The following PIWIL2 variants were observed in gnomAD, a reference collection of about 807,000 sequenced individuals.
The protein encoded by PIWIL2 is piwi-like protein 2.
PIWIL2 carries 81 observed loss-of-function variants against 116.5 expected under a neutral mutation model. The observed-to-expected ratio is 0.70, with a 90% CI of 0.58 to 0.84. The LOEUF (loss-of-function observed/expected upper bound fraction) is 0.84, where lower values mean the gene tolerates loss of function less well. Ranked by LOEUF, PIWIL2 falls within the 40% of genes least tolerant of loss-of-function variation. The probability of loss-of-function intolerance (pLI) is 0.00; values close to 1 mark genes in which losing one functional copy is unlikely to be tolerated. For synonymous variants in PIWIL2, 489 were observed against 429.5 expected (o/e 1.14, Z -1.71); for missense variants, 1,272 against 1,212.3 (o/e 1.05, Z -0.73).
rs112766822 is a variant in PIWIL2, at chr8:22,284,230, A to G, written c.701A>G (p.Gln234Arg). 3 of 1,606,162 alleles carry G rather than the reference A, an allele frequency of 1.9e-6. No individual in the cohort carries two copies. Among genetic ancestry groups the G allele is most frequent in the Admixed American group, 3.4e-5 (2 of 58,776 alleles). The part of the protein sequence containing the change: ...QSLGLNLVKI[Q>R]CHNEAVYQYH... ...TTGGGACTGAACCTCGTCAAAATAC[A>G]GTGTCATAATGAAGCAGTTTATCAA... is the stretch of plus-strand genomic sequence containing the variant. Residue 234 changes from glutamine (Q) to arginine (R), a missense_variant, in exon 6 of 23, where the codon CAG becomes CGG. Transcript: ENST00000356766.
chr8:22,351,436 CATACATATATATAT>C (rs1233465514), intron 20 of PIWIL2, among the ~76,000 whole-genome samples: 2,205 of 46,246 alleles, frequency 0.048, 156 homozygotes, highest in South Asian at 0.14. Flanking sequence ...ACAGTGCATA[CATACATATATATAT>C]ATATATATAT....
intron 22 of PIWIL2, 98 bp downstream of exon 22, chr8:22,354,476 T>G (rs1832446431): frequency 3.0e-6 from 2 of 658,676 alleles, no homozygotes; most frequent in Admixed American, 4.8e-5. Context: ...ATTTACCTCT[T>G]GACTTTTCTT....
At chr8:22,321,908 G>T in intron 20 of PIWIL2, 1 of 985,000 alleles carries the variant, frequency 1.0e-6, no homozygotes, top group Non-Finnish European at 1.2e-6. Flanking sequence ...CACATTTTCA[G>T]CCCCATTTTG....
chr8:22,330,841 T>C (rs1831845120), intron 20 of PIWIL2, among the ~76,000 whole-genome samples: 1 of 152,124 alleles, frequency 6.6e-6, no homozygotes, highest in African/African-American at 2.4e-5. Context: ...TGTCCTACTT[T>C]TCTATTTCTT....
At position 22,282,120 on chromosome 8, in the gene PIWIL2, G is replaced by T. The variant is rs1479986411; in HGVS notation, c.425+605G>T. Among the ~76,000 whole-genome samples, 4 of 115,368 alleles carry T rather than the reference G, an allele frequency of 3.5e-5. No individual in the cohort carries two copies. The East Asian group carries it at 1.1e-3, about 31-fold the overall frequency. The allele number at this position is 115,368 out of a possible 152,430, so 75.7% of individuals were successfully genotyped here. ...TTAAGGGATGGGGTCTCACTGTGTT[G>T]ACCGGGCTGGAATGCAGTGGGGCAA... On this transcript the variant is annotated intron_variant, in intron 4 of 22. Coordinates refer to ENST00000356766, the MANE Select transcript of PIWIL2 (RefSeq NM_018068.5).
intron 20 of PIWIL2, among the ~76,000 whole-genome samples, chr8:22,348,279 G>A (rs949958409): frequency 1.1e-4 from 16 of 152,104 alleles, no homozygotes; most frequent in African/African-American, 3.4e-4. Flanking sequence ...TAGCCTGGGT[G>A]ACTGAGCGAG....
chr8:22,289,815 A>G (rs780451796), intron 8 of PIWIL2, 32 bp from the exon 9 acceptor site: 6 of 1,281,754 alleles, frequency 4.7e-6, no homozygotes, highest in African/African-American at 2.9e-5. Flanking sequence ...TTACTCTTCT[A>G]TTAGAAAACT....
chr8:22,341,969 T>C (rs1342832612), intron 20 of PIWIL2, among the ~76,000 whole-genome samples: 2 of 145,006 alleles, frequency 1.4e-5, no homozygotes, highest in African/African-American at 5.2e-5. Context: ...TACAAAAGTC[T>C]ATTGCTGTAA....
Position 22,357,003 on chromosome 8 carries a change from C to G in PIWIL2, c.*1498C>G, listed in dbSNP as rs1248567306. The G allele has an allele frequency of 6.6e-6, 1 of 151,888 alleles. No homozygotes were observed. Among genetic ancestry groups the G allele is most frequent in the Non-Finnish European group, 1.5e-5 (1 of 67,984 alleles). The allele number at this position is 151,888 out of a possible 1,614,324, so 9.4% of individuals were successfully genotyped here. Reference sequence around the variant, plus strand: ...ACTTATTTATTTTTTGGTATGATGGCAGGGAGGGGACAAAGCAGAAATACC... The same window carrying G: ...ACTTATTTATTTTTTGGTATGATGGGAGGGAGGGGACAAAGCAGAAATACC... On this transcript the variant is annotated 3_prime_UTR_variant, in exon 23 of 23. Transcript: ENST00000356766.
rs536693821 is a variant in PIWIL2, at chr8:22,304,093, T to C, written c.1254T>C (p.Val418=). 1 of 1,612,520 alleles carries C rather than the reference T, an allele frequency of 6.2e-7. No individual in the cohort carries two copies. The highest frequency in any genetic ancestry group is 1.7e-5 in the Admixed American group (1 of 60,008). Residue 418 remains valine (V), a synonymous_variant, in exon 11 of 23, where the codon GTT becomes GTC. Transcript: ENST00000356766. ...CTAAGCTTCTGGTTGGCAATATTGT[T>C]ATCACCCGATATAACAATCGTACCT... ...ECTKLLVGNI[V]ITRYNNRTYR...
Position 22,305,357 on chromosome 8 carries a change from T to C in PIWIL2, c.1455+489T>C, listed in dbSNP as rs905103809. On this transcript the variant is annotated intron_variant, in intron 12 of 22. Coordinates refer to ENST00000356766, the MANE Select transcript of PIWIL2 (RefSeq NM_018068.5). ...ACAGGAGCCCGCCACCACCCCCGGC[T>C]AATTTTTTGTATTTTTAATAGAGAC... 3.3e-5 allele frequency among the ~76,000 whole-genome samples: 5 copies of C among 152,122 alleles called. 1 individual carries two copies. The East Asian group carries it at 9.7e-4, about 29-fold the overall frequency.
chr8:22,337,121 C>T (rs905093941), intron 20 of PIWIL2, among the ~76,000 whole-genome samples: 3 of 152,134 alleles, frequency 2.0e-5, no homozygotes, highest in African/African-American at 7.2e-5. Flanking sequence ...AGGAGGAACA[C>T]TTCCCTCCTT....
intron 6 of PIWIL2, 30 bp downstream of exon 6, chr8:22,284,302 C>T: frequency 8.6e-7 from 1 of 1,163,308 alleles, no homozygotes; most frequent in Admixed American, 2.1e-5. Context: ...GTATTGTTCA[C>T]TTCTTAAAGG....
chr8:22,325,687 T>C (rs1026687211), intron 20 of PIWIL2, among the ~76,000 whole-genome samples: 2 of 152,154 alleles, frequency 1.3e-5, no homozygotes, highest in East Asian at 1.9e-4. Flanking sequence ...TTTCACCATG[T>C]TGACCAACCT....
At chr8:22,276,867 C>G (rs556688501) in intron 1 of PIWIL2, among the ~76,000 whole-genome samples, 23 of 151,600 alleles carry the variant, frequency 1.5e-4, no homozygotes, top group African/African-American at 5.6e-4. Flanking sequence ...GCCACCACTT[C>G]ACTGTAGCCT....
intron 7 of PIWIL2, 77 bp from the exon 8 acceptor site, chr8:22,288,465 A>G (rs1314169181): frequency 8.5e-7 from 1 of 1,182,070 alleles, no homozygotes. Flanking sequence ...TTAAGAACAC[A>G]GTTGAATTAG....
intron 10 of PIWIL2, among the ~76,000 whole-genome samples, chr8:22,297,362 C>T (rs1256677778): frequency 1.3e-5 from 2 of 152,192 alleles, no homozygotes; most frequent in African/African-American, 4.8e-5. Context: ...AAGTTATCCT[C>T]CTTCTACATC....
At chr8:22,300,526 G>A (rs1470943619) in intron 10 of PIWIL2, among the ~76,000 whole-genome samples, 1 of 152,194 alleles carries the variant, frequency 6.6e-6, no homozygotes, top group African/African-American at 2.4e-5. Context: ...GTAGATACCT[G>A]GGAGCGGAAT....
At chr8:22,322,562 C>T (rs1831623813) in intron 20 of PIWIL2, among the ~76,000 whole-genome samples, 1 of 152,070 alleles carries the variant, frequency 6.6e-6, no homozygotes, top group Admixed American at 6.6e-5. Context: ...CCACTGAGCC[C>T]AGCTGAATAC....
Sources: allele counts gnomAD v4.1 joint callset (sites outside exome capture counted in the v4.1 genomes callset), GRCh38; gene constraint gnomAD v4.1.1; transcripts MANE v1.5; gene names NCBI Gene and HGNC (gene_info 2026-07-23, HGNC 2026-07-21).